Variants in DNAH14 observed in about 807,000 individuals in gnomAD.
DNAH14 encodes dynein axonemal heavy chain 14.
A neutral mutation model predicts 520.9 loss-of-function variants in DNAH14; 478 were observed. That is an observed-to-expected ratio of 0.92 (90% CI 0.85 to 0.99). The LOEUF is 0.99. Among genes scored for constraint, DNAH14 ranks in the 50% least tolerant of loss-of-function variants. DNAH14 has a pLI of 0.00. For synonymous variants in DNAH14, 1,581 were observed against 1,757.2 expected (o/e 0.90, Z 2.51); for missense variants, 4,831 against 5,234.5 (o/e 0.92, Z 2.38).
At chr1:224,969,640 A>C (rs746630954) in intron 7 of DNAH14, 17 of 267,894 alleles carry the variant, frequency 6.3e-5, no homozygotes, top group Non-Finnish European at 1.0e-4. Flanking sequence ...GCAGGAAGTC[A>C]GGGACCCCGA....
At chr1:225,358,703 C>A in intron 74 of DNAH14, 51 bp downstream of exon 74, 4 of 1,507,414 alleles carry the variant, frequency 2.7e-6, no homozygotes, top group South Asian at 1.3e-5. Context: ...GGCTCTGTGT[C>A]CCCACCCAAA....
At chr1:225,169,920 C>A (rs1173874123) in intron 36 of DNAH14, among the ~76,000 whole-genome samples, 2 of 152,172 alleles carry the variant, frequency 1.3e-5, no homozygotes, top group Non-Finnish European at 2.9e-5. Context: ...CAGCAGATCT[C>A]TTGGCAGAAA....
intron 22 of DNAH14, among the ~76,000 whole-genome samples, chr1:225,099,162 C>T (rs2075236273): frequency 6.6e-6 from 1 of 152,146 alleles, no homozygotes; most frequent in African/African-American, 2.4e-5. Context: ...AAGTCTCCTC[C>T]TTGACAGGAT....
At chr1:225,049,807 TATCA>T (rs1179471820) in intron 15 of DNAH14, among the ~76,000 whole-genome samples, 7 of 148,274 alleles carry the variant, frequency 4.7e-5, no homozygotes, top group Admixed American at 6.8e-5. Flanking sequence ...TCTATCTATC[TATCA>T]ATCATCTATC....
At chr1:224,933,860 A>G (rs1330321001) in intron 1 of DNAH14, among the ~76,000 whole-genome samples, 1 of 151,962 alleles carries the variant, frequency 6.6e-6, no homozygotes, top group South Asian at 2.1e-4. Context: ...GTCTATGTTC[A>G]TGAGGGATAT....
chr1:225,351,754 A>C lies in DNAH14; in HGVS notation c.11404A>C (p.Lys3802Gln). ...THLEPFSLLC[K>Q]SLLSNVSQWD... is the part of the protein sequence containing the mutation. ...CCTGGAACCATTTTCACTTCTGTGC[A>C]AATCCCTTTTATCAAACGTATCACA... The change falls in exon 72 of 86, where the codon AAA becomes CAA. Residue 3802 changes from lysine (K) to glutamine (Q), a missense_variant. Lys to Gln is a moderately conservative substitution (Grantham distance 53). Transcript: ENST00000682510. The C allele has an allele frequency of 6.4e-7, 1 of 1,551,428 alleles. No individual in the cohort carries two copies. Among genetic ancestry groups the C allele is most frequent in the Non-Finnish European group, 8.7e-7 (1 of 1,146,782 alleles).
At chr1:225,131,643 T>C (rs1269811719) in intron 27 of DNAH14, among the ~76,000 whole-genome samples, 1 of 152,228 alleles carries the variant, frequency 6.6e-6, no homozygotes, top group Admixed American at 6.6e-5. Context: ...AGGTGACATA[T>C]TCACAGGTTC....
At chr1:225,059,475 T>C (rs1572769940) in intron 17 of DNAH14, among the ~76,000 whole-genome samples, 2 of 152,340 alleles carry the variant, frequency 1.3e-5, no homozygotes, top group Admixed American at 6.5e-5. Flanking sequence ...CTTGACTCTT[T>C]ATCCATTTTG....
chr1:225,153,675 T>G, intron 33 of DNAH14, 75 bp from the exon 34 acceptor site: 1 of 1,052,280 alleles, frequency 9.5e-7, no homozygotes, highest in South Asian at 1.5e-5. Context: ...GTAATTTACC[T>G]ATATACTGTG....
rs182769143 is a variant in DNAH14 at position 225,317,427 on chromosome 1, T to G, written c.9241-1156T>G. 1.8e-3 allele frequency among the ~76,000 whole-genome samples: 273 copies of G among 152,088 alleles called. 2 individuals carry two copies. The highest frequency in any genetic ancestry group is 6.8e-3 in the Middle Eastern group (2 of 294). On this transcript the variant is annotated intron_variant, in intron 60 of 85. Coordinates refer to ENST00000682510, the MANE Select transcript of DNAH14 (RefSeq NM_001367479.1). The stretch of plus-strand genomic sequence containing the variant: ...CTCACCTTTATTTCATATTTCACGT[T>G]TTTATCTTAATTATATATATGTAAA...
At chr1:225,330,844 A>G (rs769467138) in intron 64 of DNAH14, among the ~76,000 whole-genome samples, 1 of 152,198 alleles carries the variant, frequency 6.6e-6, no homozygotes, top group Non-Finnish European at 1.5e-5. Flanking sequence ...GCTCGAGAGG[A>G]TGGATACCCC....
chr1:225,004,551 C>T (rs917267000), intron 9 of DNAH14, among the ~76,000 whole-genome samples: 2 of 152,130 alleles, frequency 1.3e-5, no homozygotes, highest in Non-Finnish European at 2.9e-5. Context: ...GAATGTCAGG[C>T]CAAGAATAAC....
intron 15 of DNAH14, among the ~76,000 whole-genome samples, chr1:225,046,595 A>C (rs1419401316): frequency 6.6e-6 from 1 of 152,148 alleles, no homozygotes; most frequent in African/African-American, 2.4e-5. Context: ...TGCCACATTT[A>C]TCATTTTTTA....
At chr1:225,335,753 A>G (rs538813026) in intron 66 of DNAH14, among the ~76,000 whole-genome samples, 2 of 90,798 alleles carry the variant, frequency 2.2e-5, no homozygotes, top group Non-Finnish European at 4.4e-5. Flanking sequence ...ATATACGCAT[A>G]TATACATACA....
At chr1:225,253,532 G>T (rs1176088262) in intron 44 of DNAH14, among the ~76,000 whole-genome samples, 3 of 151,738 alleles carry the variant, frequency 2.0e-5, no homozygotes, top group Non-Finnish European at 4.4e-5. Context: ...AAATTGTTTG[G>T]ACATCCTAGA....
chr1:225,388,589 C>A, intron 82 of DNAH14, 98 bp downstream of exon 82: 1 of 662,794 alleles, frequency 1.5e-6, no homozygotes, highest in Non-Finnish European at 2.5e-6. Context: ...TGGGTTCTCA[C>A]AGTAATGTGT....
chr1:225,244,203 C>T (rs1164187276), intron 43 of DNAH14, among the ~76,000 whole-genome samples: 1 of 152,082 alleles, frequency 6.6e-6, no homozygotes, highest in Non-Finnish European at 1.5e-5. Flanking sequence ...GGGATGAAGC[C>T]AACTTGATTG....
intron 56 of DNAH14, 27 bp from the exon 57 acceptor site, chr1:225,303,129 A>T (rs756005323): frequency 2.8e-5 from 39 of 1,388,112 alleles, no homozygotes; most frequent in Non-Finnish European, 9.6e-7. Flanking sequence ...TTACATTTTA[A>T]CAATTTATAT....
At chr1:225,148,804 T>C (rs2080206736) in intron 31 of DNAH14, among the ~76,000 whole-genome samples, 1 of 152,182 alleles carries the variant, frequency 6.6e-6, no homozygotes, top group Non-Finnish European at 1.5e-5. Context: ...TTGTTTTTGC[T>C]TGTAAATTTG....
Sources: gnomAD v4.1 joint callset for allele counts (sites outside exome capture counted in the v4.1 genomes callset) on GRCh38, gnomAD v4.1.1 for gene constraint, MANE v1.5 for transcripts, NCBI Gene and HGNC (gene_info 2026-07-23, HGNC 2026-07-21) for gene names.